The following SPAG16 variants were observed in gnomAD, a reference collection of about 807,000 sequenced individuals.
The protein encoded by SPAG16 is sperm associated antigen 16, also known as sperm-associated antigen 16 protein.
In SPAG16, 86 loss-of-function variants were observed where a neutral mutation model predicts 80.4. That is an observed-to-expected ratio of 1.07 (90% CI 0.90 to 1.28). SPAG16 has a LOEUF of 1.28. SPAG16 is among the 50% of genes most tolerant of loss of function. The pLI is 0.00. For synonymous variants in SPAG16, 294 were observed against 265.9 expected, an observed-to-expected ratio of 1.11 and a Z score of -1.03; for missense variants, 870 against 765.3, an observed-to-expected ratio of 1.14 and a Z score of -1.61.
chr2:214,012,277 TATATATATATA>T lies in SPAG16; in HGVS notation c.1401-1673_1401-1663del, dbSNP rs1413314360. Among the ~76,000 whole-genome samples, 255 of 56,310 alleles carry T rather than the reference TATATATATATA, an allele frequency of 4.5e-3. 12 individuals carry two copies. Among genetic ancestry groups the T allele is most frequent in the African/African-American group, 0.013 (194 of 14,858 alleles). The allele number at this position is 56,310 out of a possible 152,430, so 36.9% of individuals were successfully genotyped here. On this transcript the variant is annotated intron_variant, in intron 12 of 15. Coordinates refer to ENST00000331683, the MANE Select transcript of SPAG16 (RefSeq NM_024532.5). ...ATACTTACATATATATATATATATA[TATATATATATA>T]TTTTTTTTTTTTTTTTTTTTTCCTC...
chr2:213,589,478 AT>A (rs1396302414), intron 10 of SPAG16, among the ~76,000 whole-genome samples: 1 of 152,214 alleles, frequency 6.6e-6, no homozygotes, highest in Non-Finnish European at 1.5e-5. Context: ...ATTGCTCCAG[AT>A]TTTATAATAC....
chr2:213,623,558 T>C (rs73084647), intron 10 of SPAG16, among the ~76,000 whole-genome samples: 4,597 of 152,202 alleles, frequency 0.03, 250 homozygotes, highest in African/African-American at 0.1. Context: ...TCTTTCTACC[T>C]GGCATTTAAA....
At chr2:213,708,931 A>G (rs2065867846) in intron 10 of SPAG16, among the ~76,000 whole-genome samples, 1 of 152,134 alleles carries the variant, frequency 6.6e-6, no homozygotes, top group Non-Finnish European at 1.5e-5. Flanking sequence ...ATGTGGGTTG[A>G]TGTGATATCT....
chr2:213,356,752 G>A (rs961252576), intron 7 of SPAG16, among the ~76,000 whole-genome samples: 8 of 152,098 alleles, frequency 5.3e-5, no homozygotes, highest in African/African-American at 7.2e-5. Flanking sequence ...GTCTCCTTCA[G>A]TTCTGTTCTG....
At chr2:214,288,391 G>A (rs1195947013) in intron 15 of SPAG16, among the ~76,000 whole-genome samples, 2 of 152,170 alleles carry the variant, frequency 1.3e-5, no homozygotes, top group Non-Finnish European at 2.9e-5. Context: ...ACATGCAAGT[G>A]CAGGTAGGTA....
chr2:213,832,155 G>A (rs1248692849), intron 10 of SPAG16, among the ~76,000 whole-genome samples: 10 of 151,878 alleles, frequency 6.6e-5, no homozygotes, highest in African/African-American at 2.2e-4. Flanking sequence ...TTGCCACGGC[G>A]CCTGGCTAAT....
chr2:213,298,585 T>G (rs2062602101), intron 3 of SPAG16, among the ~76,000 whole-genome samples: 1 of 152,192 alleles, frequency 6.6e-6, no homozygotes, highest in African/African-American at 2.4e-5. Context: ...AGTGGATCAT[T>G]GAATGAAAAA....
At chr2:213,288,106 G>A (rs2062121811) in intron 1 of SPAG16, among the ~76,000 whole-genome samples, 1 of 151,930 alleles carries the variant, frequency 6.6e-6, no homozygotes, top group African/African-American at 2.4e-5. Context: ...TGGTAGAGAC[G>A]GGGGTCTCAC....
At chr2:213,706,763 C>A (rs1278798503) in intron 10 of SPAG16, among the ~76,000 whole-genome samples, 1 of 152,206 alleles carries the variant, frequency 6.6e-6, no homozygotes, top group Admixed American at 6.5e-5. Context: ...TGTGGGTCCA[C>A]AACTCCAGAG....
chr2:214,281,951 T>G (rs1380643552), intron 15 of SPAG16, among the ~76,000 whole-genome samples: 1 of 152,104 alleles, frequency 6.6e-6, no homozygotes, highest in African/African-American at 2.4e-5. Flanking sequence ...CTCAAAAAAA[T>G]GCAAAGTGAT....
chr2:214,186,586 A>T (rs55828216), intron 15 of SPAG16, among the ~76,000 whole-genome samples: 45,264 of 151,694 alleles, frequency 0.3, 8,395 homozygotes, highest in Non-Finnish European at 0.41. Flanking sequence ...CTTCCACTGA[A>T]ATAACATGAC....
In SPAG16 at chr2:213,845,199, CTTT is replaced by C. The variant is rs10547272; in HGVS notation, c.1071-17272_1071-17270del. 6.4e-3 allele frequency among the ~76,000 whole-genome samples: 831 copies of C among 130,452 alleles called. 13 individuals are homozygous for C. Among genetic ancestry groups the C allele is most frequent in the East Asian group, 0.045 (198 of 4,430 alleles). 85.6% of individuals were successfully genotyped at this position (130,452 alleles called of 152,430 possible). A position where few individuals can be genotyped will look rare whatever the true frequency, so the allele number is the denominator to read the frequency against. On this transcript the variant is annotated intron_variant, in intron 10 of 15. Coordinates refer to ENST00000331683, the MANE Select transcript of SPAG16 (RefSeq NM_024532.5). The stretch of plus-strand genomic sequence containing the variant: ...TATTTTGTTTTATATATCTAGTGTT[CTTT>C]TTTTTTTTTTTTTGAGACAGAGTCT...
chr2:214,129,397 T>C (rs908017406), intron 14 of SPAG16, among the ~76,000 whole-genome samples: 1 of 152,168 alleles, frequency 6.6e-6, no homozygotes, highest in Admixed American at 6.6e-5. Flanking sequence ...TTACCTAATA[T>C]GCAGTGTCTT....
intron 13 of SPAG16, among the ~76,000 whole-genome samples, chr2:214,105,598 T>A (rs16851490): frequency 0.091 from 13,875 of 152,242 alleles, 840 homozygotes; most frequent in East Asian, 0.29. Flanking sequence ...AGCTTCTCTG[T>A]CTGAATCAAA....
chr2:214,258,487 A>ATATATATATATATATATATATATG (rs1559161026), intron 15 of SPAG16, among the ~76,000 whole-genome samples: 6 of 147,136 alleles, frequency 4.1e-5, no homozygotes, highest in African/African-American at 1.6e-4. Context: ...ATATATATAT[A>ATATATATATATATATATATATATG]TATACACACA....
At chr2:213,540,731 C>G (rs922234049) in intron 10 of SPAG16, among the ~76,000 whole-genome samples, 2 of 152,178 alleles carry the variant, frequency 1.3e-5, no homozygotes, top group African/African-American at 2.4e-5. Flanking sequence ...AGTGAAATAG[C>G]ATATAATTAT....
At chr2:213,862,256 G>T (rs1273829099) in intron 10 of SPAG16, among the ~76,000 whole-genome samples, 1 of 152,110 alleles carries the variant, frequency 6.6e-6, no homozygotes, top group African/African-American at 2.4e-5. Context: ...TCTTGCAAAT[G>T]AGGAATCCGA....
chr2:213,959,062 G>A (rs764101644), intron 12 of SPAG16, among the ~76,000 whole-genome samples: 6 of 152,082 alleles, frequency 3.9e-5, no homozygotes, highest in Non-Finnish European at 7.4e-5. Flanking sequence ...TTTCCTTTTA[G>A]CTCTTTGAAT....
At chr2:213,365,272 C>T (rs1487764617) in intron 8 of SPAG16, 1 of 152,146 alleles carries the variant, frequency 6.6e-6, no homozygotes, top group African/African-American at 2.4e-5. Flanking sequence ...GAAACCTACC[C>T]TTAAGTAGCT....
Sources: gnomAD v4.1 joint callset for allele counts (sites outside exome capture counted in the v4.1 genomes callset) on GRCh38, gnomAD v4.1.1 for gene constraint, MANE v1.5 for transcripts, NCBI Gene and HGNC (gene_info 2026-07-23, HGNC 2026-07-21) for gene names.